Variants in AGAP1 observed in about 807,000 individuals in gnomAD.
AGAP1 encodes arf-GAP with GTPase, ANK repeat and PH domain-containing protein 1.
Under a neutral mutation model 105.3 loss-of-function variants are expected in AGAP1, and 29 were observed. That is an observed-to-expected ratio of 0.28 (90% confidence interval 0.21 to 0.38). The LOEUF is 0.38. Among genes scored for constraint, AGAP1 ranks in the 10% least tolerant of loss-of-function variants. AGAP1 has a pLI of 1.00. For missense variants in AGAP1, 998 were observed against 1,165.1 expected (o/e 0.86, Z 2.09); for synonymous variants, 509 against 485.9 (o/e 1.05, Z -0.63).
chr2:235,591,365 G>C (rs1028728125), intron 1 of AGAP1, among the ~76,000 whole-genome samples: 1 of 152,328 alleles, frequency 6.6e-6, no homozygotes, highest in African/African-American at 2.4e-5. Context: ...GACTGAACGA[G>C]GGGGAGTGGA....
At chr2:235,999,594 G>A (rs546792162) in intron 13 of AGAP1, among the ~76,000 whole-genome samples, 3 of 150,728 alleles carry the variant, frequency 2.0e-5, no homozygotes, top group Non-Finnish European at 4.4e-5. Flanking sequence ...TGGTGATGAT[G>A]GTGAGAGGTG....
chr2:236,103,004 G>A (rs1239374898), intron 16 of AGAP1, among the ~76,000 whole-genome samples: 1 of 47,132 alleles, frequency 2.1e-5, no homozygotes, highest in African/African-American at 1.0e-4. Flanking sequence ...CGGGGTTTCT[G>A]CCCACCCCCC....
At chr2:235,894,686 G>C (rs910086931) in intron 10 of AGAP1, among the ~76,000 whole-genome samples, 2 of 152,018 alleles carry the variant, frequency 1.3e-5, no homozygotes, top group Non-Finnish European at 2.9e-5. Context: ...TGTAGATTGT[G>C]AAGTAAAGGC....
chr2:235,700,933 T>A lies in AGAP1; in HGVS notation c.164-8246T>A, dbSNP rs915568711. On this transcript the variant is annotated intron_variant, in intron 1 of 17. Coordinates refer to ENST00000304032, the MANE Select transcript of AGAP1 (RefSeq NM_001037131.3). The surrounding 1 kb of genome is among the most constrained non-coding windows in gnomAD (Gnocchi z 6.1). ...TGCATATATTATGTATTACACATGC[T>A]AGCATATTTGTAATATATATATTAT... Among the ~76,000 whole-genome samples, 1 of 147,786 alleles carries A rather than the reference T, an allele frequency of 6.8e-6. No homozygotes were observed. The highest frequency in any genetic ancestry group is 1.5e-5 in the Non-Finnish European group (1 of 67,248).
At chr2:235,743,722 T>G (rs953281447) in intron 4 of AGAP1, among the ~76,000 whole-genome samples, 21 of 152,342 alleles carry the variant, frequency 1.4e-4, no homozygotes, top group African/African-American at 5.0e-4. Context: ...GTGATAACCT[T>G]GGCCATAAAA....
intron 1 of AGAP1, among the ~76,000 whole-genome samples, chr2:235,572,001 CACTTT>C (rs1357504960): frequency 8.4e-6 from 1 of 118,880 alleles, no homozygotes; most frequent in African/African-American, 3.7e-5. Flanking sequence ...CACACACACA[CACTTT>C]TTTTTTTTTT....
chr2:236,080,235 A>G lies in AGAP1; in HGVS notation c.2114+30954A>G, dbSNP rs1156388436. 1.3e-5 allele frequency among the ~76,000 whole-genome samples: 2 copies of G among 152,230 alleles called. No homozygotes were observed. Among genetic ancestry groups the G allele is most frequent in the Non-Finnish European group, 2.9e-5 (2 of 68,044 alleles). On this transcript the variant is annotated intron_variant, in intron 16 of 17. Transcript: ENST00000304032. This position sits in a 1 kb window ranked among gnomAD's most constrained non-coding sequence, Gnocchi z 4.2. ...TGTTCTTGGAAAGATAGTTGGGAAAAAAGGCAGGCAGAGCCTCTGCTGGAA... is the reference window on the plus strand; with the variant it reads ...TGTTCTTGGAAAGATAGTTGGGAAAGAAGGCAGGCAGAGCCTCTGCTGGAA...
At chr2:235,767,223 T>C (rs865984893) in intron 6 of AGAP1, among the ~76,000 whole-genome samples, 3 of 152,162 alleles carry the variant, frequency 2.0e-5, no homozygotes, top group African/African-American at 7.2e-5. Context: ...GATACTTCTT[T>C]ATAGAGTATA....
At chr2:235,942,983 C>T (rs958067917) in intron 12 of AGAP1, among the ~76,000 whole-genome samples, 1 of 152,158 alleles carries the variant, frequency 6.6e-6, no homozygotes, top group Admixed American at 6.5e-5. Flanking sequence ...GTCCCAGCTA[C>T]CCAAGAGGCA....
chr2:236,025,911 G>T (rs1343051656), intron 13 of AGAP1, among the ~76,000 whole-genome samples: 7 of 146,864 alleles, frequency 4.8e-5, no homozygotes, highest in African/African-American at 1.8e-4. Context: ...CGGGTGGGTG[G>T]ATGGATGGAT....
intron 1 of AGAP1, among the ~76,000 whole-genome samples, chr2:235,541,329 C>G (rs1192368734): frequency 2.6e-5 from 4 of 151,730 alleles, no homozygotes; most frequent in Non-Finnish European, 5.9e-5. Flanking sequence ...CACTCCCAAC[C>G]CCCTTCCTAA....
Position 236,001,329 on chromosome 2 carries a change from G to A in AGAP1, c.1645+32706G>A, listed in dbSNP as rs2056111828. On this transcript the variant is annotated intron_variant, in intron 13 of 17. Transcript: ENST00000304032. The surrounding 1 kb of genome is among the most constrained non-coding windows in gnomAD (Gnocchi z 4.7). ...CATTTTTGTGGTTTCACGCCACCCA[G>A]CGTGCGGTGCATTGTGGCAGGTGCA... is the stretch of plus-strand genomic sequence containing the variant. Among the ~76,000 whole-genome samples, 1 of 152,214 alleles carries A rather than the reference G, an allele frequency of 6.6e-6. No individual in the cohort carries two copies. Among genetic ancestry groups the A allele is most frequent in the Non-Finnish European group, 1.5e-5 (1 of 68,046 alleles).
chr2:235,795,279 G>T (rs531180098), intron 6 of AGAP1, among the ~76,000 whole-genome samples: 1 of 152,338 alleles, frequency 6.6e-6, no homozygotes, highest in East Asian at 1.9e-4. Context: ...ATTTAGGGAT[G>T]TCTTTAAGTG....
intron 1 of AGAP1, among the ~76,000 whole-genome samples, chr2:235,593,829 C>T (rs1233281574): frequency 6.6e-6 from 1 of 151,920 alleles, no homozygotes; most frequent in Non-Finnish European, 1.5e-5. Flanking sequence ...ATTAGCTGGG[C>T]ATGATGGTGA....
Position 235,712,617 on chromosome 2 carries a change from T to C in AGAP1, c.222+3380T>C, listed in dbSNP as rs1950909835. On this transcript the variant is annotated intron_variant, in intron 2 of 17. Coordinates refer to ENST00000304032, the MANE Select transcript of AGAP1 (RefSeq NM_001037131.3). The surrounding 1 kb of genome is among the most constrained non-coding windows in gnomAD (Gnocchi z 6.0). ...GTGTGGGGCTCTGGAGAAATCAGTT[T>C]AGGAAGACATTGCATTCCCTTTGGC... Among the ~76,000 whole-genome samples the C allele has an allele frequency of 6.6e-6, 1 of 152,226 alleles. No individual in the cohort carries two copies. The highest frequency in any genetic ancestry group is 6.5e-5 in the Admixed American group (1 of 15,288).
chr2:235,516,808 G>C (rs926506117), intron 1 of AGAP1, among the ~76,000 whole-genome samples: 1 of 152,208 alleles, frequency 6.6e-6, no homozygotes, highest in Admixed American at 6.5e-5. Context: ...CCCAGTTTAG[G>C]AGAGTGCCAT....
chr2:235,795,888 T>C (rs1416472551), intron 6 of AGAP1, among the ~76,000 whole-genome samples: 2 of 152,214 alleles, frequency 1.3e-5, no homozygotes. Flanking sequence ...CTAGACTCCA[T>C]AGAAAGGATA....
At chr2:236,102,305 C>T (rs991302379) in intron 16 of AGAP1, among the ~76,000 whole-genome samples, 43 of 141,392 alleles carry the variant, frequency 3.0e-4, no homozygotes, top group African/African-American at 9.0e-4. Context: ...TGGTCCGAGC[C>T]ACTCAGGAGG....
At chr2:235,838,288 A>G (rs1960403893) in intron 9 of AGAP1, among the ~76,000 whole-genome samples, 1 of 152,126 alleles carries the variant, frequency 6.6e-6, no homozygotes, top group Non-Finnish European at 1.5e-5. Flanking sequence ...TCACAAATGT[A>G]AGTAAATGGC....
Sources: allele counts gnomAD v4.1 joint callset (sites outside exome capture counted in the v4.1 genomes callset), GRCh38; gene constraint gnomAD v4.1.1; non-coding constraint Gnocchi (gnomAD v3.1); transcripts MANE v1.5; gene names NCBI Gene and HGNC (gene_info 2026-07-23, HGNC 2026-07-21).